ADAM8: variants seen among roughly 807,000 people sequenced by gnomAD.
The protein encoded by ADAM8 is ADAM metallopeptidase domain 8.
ADAM8 carries 104 observed loss-of-function variants against 102.4 expected under a neutral mutation model. The observed-to-expected ratio is 1.02, with a 90% CI of 0.87 to 1.20. The LOEUF (loss-of-function observed/expected upper bound fraction) is 1.20. ADAM8 is among the 50% of genes most tolerant of loss of function. The probability of loss-of-function intolerance (pLI) is 0.00; values close to 1 mark genes in which losing one functional copy is unlikely to be tolerated. For synonymous variants in ADAM8, 517 were observed against 485.2 expected, an observed-to-expected ratio of 1.07 and a Z score of -0.86; for missense variants, 1,132 against 1,159.0, an observed-to-expected ratio of 0.98 and a Z score of 0.34.
Position 133,271,963 on chromosome 10 carries a change from G to A in ADAM8, c.958-9C>T, listed in dbSNP as rs376485001. ...GGGTTCTTGCTGTGGTCCTGCAGGA[G>A]GGTCTGTGCTCTCAGGAACCATGTG... On this transcript the variant is annotated splice_polypyrimidine_tract_variant and intron_variant, in intron 10 of 22. Transcript: ENST00000445355. 1.1e-5 allele frequency: 17 copies of A among 1,607,942 alleles called. No homozygotes were observed. The East Asian group carries it at 1.6e-4, about 15-fold the overall frequency.
chr10:133,267,729 G>C (rs1414307467), intron 20 of ADAM8, among the ~76,000 whole-genome samples, 200 bp downstream of exon 20: 1 of 152,258 alleles, frequency 6.6e-6, no homozygotes, highest in African/African-American at 2.4e-5. Flanking sequence ...GGCTCAAAGG[G>C]GTCTGGGAAG....
chr10:133,275,459 C>T, intron 2 of ADAM8, 25 bp downstream of exon 2: 1 of 1,501,480 alleles, frequency 6.7e-7, no homozygotes, highest in South Asian at 1.3e-5. Flanking sequence ...AGCCAGGGAC[C>T]CTCCCCAGGC....
chr10:133,266,438 C>A (rs1300415268), intron 21 of ADAM8, among the ~76,000 whole-genome samples: 1 of 152,204 alleles, frequency 6.6e-6, no homozygotes, highest in South Asian at 2.1e-4. Context: ...AAGCCTCAAC[C>A]CAGAGGGCAG....
Position 133,271,957 on chromosome 10 carries a change from G to C in ADAM8, c.958-3C>G. The C allele has an allele frequency of 2.5e-6, 4 of 1,609,660 alleles. No homozygotes were observed. Among genetic ancestry groups the C allele is most frequent in the Non-Finnish European group, 3.4e-6 (4 of 1,177,426 alleles). On this transcript the variant is annotated splice_polypyrimidine_tract_variant and splice_region_variant and intron_variant, in intron 10 of 22. Transcript: ENST00000445355. ...CCCACGGGGTTCTTGCTGTGGTCCT[G>C]CAGGAGGGTCTGTGCTCTCAGGAAC... is the stretch of plus-strand genomic sequence containing the variant.
Position 133,263,700 on chromosome 10 carries a change from A to AG in ADAM8, c.2384dup (p.Gly796TrpfsTer4). 3.9e-6 allele frequency: 6 copies of AG among 1,532,220 alleles called. No homozygotes were observed. Among genetic ancestry groups the AG allele is most frequent in the Non-Finnish European group, 4.4e-6 (5 of 1,138,202 alleles). The allele number at this position is 1,532,220 out of a possible 1,614,324, so 94.9% of individuals were successfully genotyped here. The stretch of plus-strand genomic sequence containing the variant: ...GCTGGGGCCTCACCTCAGCTGGACC[A>AG]GGGTTGGCCGCACCAGCCCCGGGTT... On this transcript the variant is annotated frameshift_variant, in exon 22 of 23. Coordinates refer to ENST00000445355, the MANE Select transcript of ADAM8 (RefSeq NM_001109.5). LOFTEE classifies it low-confidence loss of function (END_TRUNC).
rs1216127343 is a variant in ADAM8, at chr10:133,275,471, A to G, written c.150+13T>C. The G allele has an allele frequency of 6.6e-7, 1 of 1,523,452 alleles. No homozygotes were observed. 94.4% of individuals were successfully genotyped at this position (1,523,452 alleles called of 1,614,324 possible). Reference sequence around the variant, plus strand: ...GCCAGCCAGGGACCCTCCCCAGGCCAGCTTAGACTCACCAAGTGGGAGGGC... The same window carrying G: ...GCCAGCCAGGGACCCTCCCCAGGCCGGCTTAGACTCACCAAGTGGGAGGGC... On this transcript the variant is annotated intron_variant, in intron 2 of 22. Coordinates refer to ENST00000445355, the MANE Select transcript of ADAM8 (RefSeq NM_001109.5).
chr10:133,262,969 A>G lies in ADAM8; in HGVS notation c.*187T>C. 1.3e-6 allele frequency: 1 copy of G among 740,856 alleles called. No homozygotes were observed. The allele number at this position is 740,856 out of a possible 1,614,324, so 45.9% of individuals were successfully genotyped here. ...GCTACACGTGGCCAAGGCGGGGAGAAGGAATTGGCTGAGGGCGTGGACAGC... is the reference window on the plus strand; with the variant it reads ...GCTACACGTGGCCAAGGCGGGGAGAGGGAATTGGCTGAGGGCGTGGACAGC... On this transcript the variant is annotated 3_prime_UTR_variant, in exon 23 of 23. Coordinates refer to ENST00000445355, the MANE Select transcript of ADAM8 (RefSeq NM_001109.5).
intron 21 of ADAM8, among the ~76,000 whole-genome samples, chr10:133,265,182 G>A (rs1343011012): frequency 7.7e-6 from 1 of 130,220 alleles, no homozygotes; most frequent in African/African-American, 3.0e-5. Flanking sequence ...CTACCTCCAC[G>A]CCCAGCTCCT....
rs370308505 is a variant in ADAM8, at chr10:133,271,225, T to C, written c.1349A>G (p.His450Arg). 8 of 1,611,796 alleles carry C rather than the reference T, an allele frequency of 5.0e-6. No individual in the cohort carries two copies. The African/African-American group carries it at 1.1e-4, about 22-fold the overall frequency. ...CQLAEGAQCA[H>R]GTCCQECKVK... ...CTTGCACTCCTGGCAGCAGGTACCGTGCGCACACTGGGCCCCCTCAGCCAG... is the reference window on the plus strand; with the variant it reads ...CTTGCACTCCTGGCAGCAGGTACCGCGCGCACACTGGGCCCCCTCAGCCAG... The change falls in exon 13 of 23, where the codon CAC becomes CGC. Residue 450 changes from histidine to arginine, a missense_variant. His to Arg is a conservative substitution (Grantham distance 29). Transcript: ENST00000445355.
chr10:133,273,997 TA>T lies in ADAM8; in HGVS notation c.259del (p.Tyr87IlefsTer9), dbSNP rs1470166521. Reference sequence around the variant, plus strand: ...CACCTCGGAGCCATTGGCAGCCGTATAGGTCTCTGTGTAGCCGGAGCCCAGC... The same window carrying T: ...CACCTCGGAGCCATTGGCAGCCGTATGGTCTCTGTGTAGCCGGAGCCCAGC... Reference protein sequence around the residue: ...DLLGSGYTETYTAANGSEVTE... With the variant: ...DLLGSGYTETXTAANGSEVTE... On this transcript the variant is annotated frameshift_variant, in exon 4 of 23. Transcript: ENST00000445355. LOFTEE classifies it high-confidence loss of function. 7.5e-6 allele frequency: 12 copies of T among 1,608,006 alleles called. No individual in the cohort carries two copies. Among genetic ancestry groups the T allele is most frequent in the Middle Eastern group, 1.6e-4 (1 of 6,070 alleles).
chr10:133,273,537 C>A (rs1846629788), intron 5 of ADAM8, 94 bp from the exon 6 acceptor site: 2 of 1,396,478 alleles, frequency 1.4e-6, no homozygotes, highest in Middle Eastern at 2.6e-4. Flanking sequence ...CCTACAGCTC[C>A]CCCTACCCTG....
rs1302070471 is a variant in ADAM8, at chr10:133,273,434, G to T, written c.393C>A (p.Phe131Leu). Residue 131 changes from phenylalanine to leucine, a missense_variant, in exon 6 of 23, where the codon TTC becomes TTA. By Grantham distance (22) the Phe-to-Leu change is conservative. Coordinates refer to ENST00000445355, the MANE Select transcript of ADAM8 (RefSeq NM_001109.5). ...TCAGGTGCAGGTCTGACCCCACCTG[G>T]AAGAAACCCCTGAGGGGAGTGGGAG... ...LSTCAGLRGF[F>L]QVGSDLHLIE... is the part of the protein sequence containing the mutation. The T allele has an allele frequency of 6.5e-7, 1 of 1,540,168 alleles. No homozygotes were observed. Among genetic ancestry groups the T allele is most frequent in the Admixed American group, 2.0e-5 (1 of 50,504 alleles).
intron 18 of ADAM8, 106 bp downstream of exon 18, chr10:133,269,339 A>T: frequency 7.7e-7 from 1 of 1,301,600 alleles, no homozygotes; most frequent in East Asian, 2.6e-5. Context: ...GCAAACTGGC[A>T]CCGTGAACAC....
At chr10:133,274,062 C>T in intron 3 of ADAM8, 33 bp from the exon 4 acceptor site, 5 of 1,595,640 alleles carry the variant, frequency 3.1e-6, no homozygotes, top group Non-Finnish European at 4.3e-6. Flanking sequence ...GCCTCGGCCC[C>T]CTCGGTGCAG....
In ADAM8 at chr10:133,262,962, G is replaced by A. The variant is rs1289794041; in HGVS notation, c.*194C>T. 2.8e-6 allele frequency: 2 copies of A among 724,618 alleles called. No homozygotes were observed. Among genetic ancestry groups the A allele is most frequent in the South Asian group, 1.6e-5 (1 of 60,608 alleles). 44.9% of individuals were successfully genotyped at this position (724,618 alleles called of 1,614,324 possible). A position where few individuals can be genotyped will look rare whatever the true frequency, so the allele number is the denominator to read the frequency against. On this transcript the variant is annotated 3_prime_UTR_variant, in exon 23 of 23. Transcript: ENST00000445355. ...AGCTGGGGCTACACGTGGCCAAGGC[G>A]GGGAGAAGGAATTGGCTGAGGGCGT... is the stretch of plus-strand genomic sequence containing the variant.
intron 21 of ADAM8, among the ~76,000 whole-genome samples, chr10:133,266,442 A>C (rs1846324284): frequency 6.6e-6 from 1 of 152,090 alleles, no homozygotes; most frequent in Admixed American, 6.5e-5. Context: ...CTCAACCCAG[A>C]GGGCAGGGGC....
chr10:133,270,983 C>G lies in ADAM8; in HGVS notation c.1462G>C (p.Glu488Gln). The change falls in exon 14 of 23, where the codon GAA (glutamate) becomes CAA (glutamine). Residue 488 changes from glutamate (E) to glutamine (Q), a missense_variant. Physicochemically the swap from Glu to Gln is conservative, Grantham distance 29. Transcript: ENST00000445355. ...GTGCCGTTCTCCTGGAAGGCGTCTT[C>G]CGGGCACTCAGGGTGCCGGCCGTCA... ...FCDGRHPECP[E>Q]DAFQENGTPC... 6.2e-7 allele frequency: 1 copy of G among 1,612,874 alleles called. No homozygotes were observed. The highest frequency in any genetic ancestry group is 8.5e-7 in the Non-Finnish European group (1 of 1,179,968).
At position 133,271,831 on chromosome 10, in the gene ADAM8, G is replaced by A. The variant is rs745764026; in HGVS notation, c.1081C>T (p.Arg361Cys). ...CRCQERFEAG[R>C]CIMAGSIGSS... ...CCAATGCTGCCCGCCATGATGCAGC[G>A]GCCGGCCTCGAAGCGTTCCTGGCAG... Residue 361 changes from arginine (R) to cysteine (C), a missense_variant, in exon 11 of 23, where the codon CGC becomes TGC. Coordinates refer to ENST00000445355, the MANE Select transcript of ADAM8 (RefSeq NM_001109.5). The A allele has an allele frequency of 3.4e-5, 55 of 1,612,080 alleles. No homozygotes were observed. The highest frequency in any genetic ancestry group is 2.7e-4 in the South Asian group (25 of 91,070).
Position 133,272,067 on chromosome 10 carries a change from A to T in ADAM8, c.958-113T>A, listed in dbSNP as rs1589809014. ...AGCTTCCCGCCAACACCACCTTAAA[A>T]CATAAAATCAGGCATTAAACCTGGC... On this transcript the variant is annotated intron_variant, in intron 10 of 22. Transcript: ENST00000445355. The T allele has an allele frequency of 5.2e-6, 8 of 1,533,428 alleles. No individual in the cohort carries two copies. In the East Asian group the frequency reaches 1.9e-4, roughly 36 times the overall value. The allele number at this position is 1,533,428 out of a possible 1,614,324, so 95.0% of individuals were successfully genotyped here.
Sources: allele counts gnomAD v4.1 joint callset (sites outside exome capture counted in the v4.1 genomes callset), GRCh38; gene constraint gnomAD v4.1.1; transcripts MANE v1.5; gene names NCBI Gene and HGNC (gene_info 2026-07-23, HGNC 2026-07-21).